RBFOX1: variants seen among roughly 807,000 people sequenced by gnomAD.
RBFOX1 encodes the protein RNA binding protein fox-1 homolog 1.
In RBFOX1, 8 loss-of-function variants were observed where a neutral mutation model predicts 57.7. The observed-to-expected ratio is 0.14, with a 90% confidence interval of 0.08 to 0.25. RBFOX1 has a LOEUF of 0.25. Ranked by LOEUF, RBFOX1 falls within the 10% of genes least tolerant of loss-of-function variation. The pLI, the probability that RBFOX1 is intolerant of heterozygous loss-of-function variation, is 1.00. For missense variants in RBFOX1, 611 were observed against 548.5 expected, an observed-to-expected ratio of 1.11 and a Z score of -1.14; for synonymous variants, 326 against 222.4, an observed-to-expected ratio of 1.47 and a Z score of -4.15.
intron 1 of RBFOX1, among the ~76,000 whole-genome samples, chr16:6,217,975 C>T (rs1567701740): frequency 1.3e-5 from 2 of 152,126 alleles, no homozygotes; most frequent in East Asian, 3.9e-4. Flanking sequence ...GGGATCCTGC[C>T]ACTGCATTCT....
intron 4 of RBFOX1, among the ~76,000 whole-genome samples, chr16:7,284,568 C>G (rs541552586): frequency 1.3e-5 from 2 of 152,278 alleles, no homozygotes; most frequent in Non-Finnish European, 1.5e-5. Flanking sequence ...TGGCCTCAAG[C>G]AGTCCTCCCA....
intron 3 of RBFOX1, among the ~76,000 whole-genome samples, chr16:5,742,773 C>G (rs552872051): frequency 2.0e-5 from 3 of 152,300 alleles, no homozygotes; most frequent in East Asian, 3.9e-4. Flanking sequence ...AAGAAGGAGG[C>G]TTCAAATTAG....
At chr16:7,133,218 T>TA (rs1339254468) in intron 4 of RBFOX1, among the ~76,000 whole-genome samples, 1 of 152,312 alleles carries the variant, frequency 6.6e-6, no homozygotes, top group African/African-American at 2.4e-5. Flanking sequence ...ACATATCATT[T>TA]AAAAAATTAT....
chr16:5,258,542 A>G lies in RBFOX1; in HGVS notation c.219+18437A>G, dbSNP rs150379909. On this transcript the variant is annotated intron_variant, in intron 1 of 2. Coordinates refer to the RBFOX1 transcript ENST00000585867. Reference sequence around the variant, plus strand: ...TGTGATTATTTTTTTCTTTGAGCAAAGATAATAAGATCTCAAGATTTAATG... The same window carrying G: ...TGTGATTATTTTTTTCTTTGAGCAAGGATAATAAGATCTCAAGATTTAATG... Among the ~76,000 whole-genome samples, 925 of 152,274 alleles carry G rather than the reference A, an allele frequency of 6.1e-3. 7 individuals carry two copies. The highest frequency in any genetic ancestry group is 0.021 in the African/African-American group (864 of 41,548).
At chr16:5,664,292 A>G (rs1260393453) in intron 3 of RBFOX1, among the ~76,000 whole-genome samples, 3 of 152,162 alleles carry the variant, frequency 2.0e-5, no homozygotes, top group African/African-American at 7.2e-5. Flanking sequence ...GCTCACGCCT[A>G]TAATCCCAGC....
chr16:6,112,105 A>G (rs1023204312), intron 1 of RBFOX1, among the ~76,000 whole-genome samples: 4 of 152,178 alleles, frequency 2.6e-5, no homozygotes, highest in Non-Finnish European at 5.9e-5. Context: ...TTGGAAGCCA[A>G]TAACTGGTAT....
chr16:7,685,322 G>C (rs935557488), intron 14 of RBFOX1, among the ~76,000 whole-genome samples: 1 of 152,138 alleles, frequency 6.6e-6, no homozygotes, highest in African/African-American at 2.4e-5. Context: ...CAATGAGAGA[G>C]TAAGAACTAT....
At chr16:6,873,551 AAAG>A (rs1328637298) in intron 3 of RBFOX1, among the ~76,000 whole-genome samples, 2 of 152,216 alleles carry the variant, frequency 1.3e-5, no homozygotes, top group African/African-American at 4.8e-5. Context: ...AGCTTAAAAA[AAAG>A]AACAACTTTG....
At chr16:6,566,655 ACTC>A (rs1175812328) in intron 2 of RBFOX1, among the ~76,000 whole-genome samples, 3 of 151,690 alleles carry the variant, frequency 2.0e-5, no homozygotes, top group Non-Finnish European at 2.9e-5. Context: ...CTTTACGCAC[ACTC>A]CTCAAGTCTG....
intron 5 of RBFOX1, among the ~76,000 whole-genome samples, chr16:7,520,533 A>G (rs868373653): frequency 6.6e-5 from 10 of 152,292 alleles, no homozygotes; most frequent in Middle Eastern, 3.4e-3. Flanking sequence ...ATTCATGTGG[A>G]GTACCCCACT....
intron 3 of RBFOX1, among the ~76,000 whole-genome samples, chr16:6,896,055 C>G (rs1343701229): frequency 6.6e-6 from 1 of 152,098 alleles, no homozygotes; most frequent in Non-Finnish European, 1.5e-5. Context: ...GGCAGATCAT[C>G]TGAGCTTAGG....
chr16:7,387,835 G>A (rs142435224), intron 4 of RBFOX1, among the ~76,000 whole-genome samples: 6 of 152,020 alleles, frequency 3.9e-5, no homozygotes, highest in South Asian at 4.2e-4. Context: ...AGTTTAAAAC[G>A]TCTCTGGAAT....
At chr16:6,964,852 C>G (rs1371565740) in intron 3 of RBFOX1, among the ~76,000 whole-genome samples, 3 of 152,138 alleles carry the variant, frequency 2.0e-5, no homozygotes, top group Admixed American at 1.3e-4. Context: ...CTGCTCCCAG[C>G]TCCTTGCTGT....
rs55799140 is a variant in RBFOX1 at position 6,148,200 on chromosome 16, A to G, written c.-127+128208A>G. Among the ~76,000 whole-genome samples, 292 of 152,232 alleles carry G rather than the reference A, an allele frequency of 1.9e-3. 2 individuals carry two copies. Among genetic ancestry groups the G allele is most frequent in the African/African-American group, 5.1e-3 (212 of 41,546 alleles). On this transcript the variant is annotated intron_variant, in intron 1 of 15. Coordinates refer to ENST00000550418, the MANE Select transcript of RBFOX1 (RefSeq NM_018723.4). ...AAATTAGCCGAGTGTGGTGGCATGT[A>G]CCTGTAATCCCAGCTACTTGGGAGG...
chr16:6,249,780 T>C lies in RBFOX1; in HGVS notation c.-126-67215T>C, dbSNP rs552616428. On this transcript the variant is annotated intron_variant, in intron 1 of 15. Transcript: ENST00000550418. ...AGCTTCACATTTTTTTTCTTTTTTT[T>C]TTTTTTTATTATACTTTAAGTTTTA... 9.2e-4 allele frequency among the ~76,000 whole-genome samples: 139 copies of C among 151,398 alleles called. 1 individual carries two copies. The highest frequency in any genetic ancestry group is 3.4e-3 in the Middle Eastern group (1 of 294).
chr16:7,434,509 A>T (rs1472806278), intron 4 of RBFOX1, among the ~76,000 whole-genome samples: 1 of 151,968 alleles, frequency 6.6e-6, no homozygotes, highest in Non-Finnish European at 1.5e-5. Flanking sequence ...AAAATAAAAA[A>T]AATCATCAGG....
At chr16:5,251,182 C>A (rs1278473556) in intron 1 of RBFOX1, among the ~76,000 whole-genome samples, 1 of 152,232 alleles carries the variant, frequency 6.6e-6, no homozygotes, top group Non-Finnish European at 1.5e-5. Context: ...CAGACTGCCT[C>A]ACTCTGGAGA....
chr16:5,325,004 G>C (rs535959187), intron 1 of RBFOX1, among the ~76,000 whole-genome samples: 7 of 152,194 alleles, frequency 4.6e-5, no homozygotes, highest in Non-Finnish European at 8.8e-5. Flanking sequence ...CAGTATTTGG[G>C]TGAAATCTGT....
At chr16:6,976,785 TTATA>T (rs3074657) in intron 3 of RBFOX1, among the ~76,000 whole-genome samples, 1 of 140,398 alleles carries the variant, frequency 7.1e-6, no homozygotes, top group Non-Finnish European at 1.5e-5. Context: ...TATCAATATA[TTATA>T]TATATGATAT....
Sources: allele counts gnomAD v4.1 joint callset (sites outside exome capture counted in the v4.1 genomes callset), GRCh38; gene constraint gnomAD v4.1.1; transcripts MANE v1.5; gene names NCBI Gene and HGNC (gene_info 2026-07-23, HGNC 2026-07-21).